BTRC: variants seen among roughly 807,000 people sequenced by gnomAD.
BTRC encodes the protein F-box/WD repeat-containing protein 1A.
BTRC carries 42 observed loss-of-function variants against 85.5 expected under a neutral mutation model. The ratio of observed to expected loss-of-function variants is 0.49; its 90% CI spans 0.38 to 0.64. The LOEUF (loss-of-function observed/expected upper bound fraction) is 0.64. Among genes scored for constraint, BTRC ranks in the 30% least tolerant of loss-of-function variants. BTRC has a pLI of 0.00. For synonymous variants in BTRC, 255 were observed against 263.3 expected (o/e 0.97, Z 0.30); for missense variants, 594 against 743.5 (o/e 0.80, Z 2.34).
chr10:101,544,505 T>G (rs893851391), intron 13 of BTRC, among the ~76,000 whole-genome samples: 1 of 151,752 alleles, frequency 6.6e-6, no homozygotes, highest in Non-Finnish European at 1.5e-5. Context: ...GGACTTCTAG[T>G]CTCAAGCAGT....
chr10:101,373,990 G>A (rs1243231954), intron 1 of BTRC, among the ~76,000 whole-genome samples: 1 of 151,978 alleles, frequency 6.6e-6, no homozygotes, highest in East Asian at 1.9e-4. Context: ...GACTTGGAAG[G>A]TGGAAAGCTG....
intron 3 of BTRC, among the ~76,000 whole-genome samples, chr10:101,473,465 C>CTTTTTTTTTTTT (rs869163139): frequency 3.1e-5 from 3 of 96,772 alleles, no homozygotes; most frequent in African/African-American, 4.4e-5. Context: ...TCTTTTTTCT[C>CTTTTTTTTTTTT]TTTTTTTTTT....
chr10:101,522,409 C>T (rs1306627071), intron 5 of BTRC, among the ~76,000 whole-genome samples: 31 of 29,528 alleles, frequency 1.0e-3, no homozygotes, highest in South Asian at 9.1e-3. Flanking sequence ...ATAAAGACTC[C>T]TTTTTTTTTT....
chr10:101,531,747 A>G (rs988074279), intron 7 of BTRC, among the ~76,000 whole-genome samples: 2 of 152,172 alleles, frequency 1.3e-5, no homozygotes, highest in African/African-American at 2.4e-5. Context: ...AAGAAAATCA[A>G]TCTCTTTACA....
In BTRC at chr10:101,504,261, A is replaced by G. The variant is rs74153243; in HGVS notation, c.325-17378A>G. On this transcript the variant is annotated intron_variant, in intron 4 of 14. Coordinates refer to ENST00000370187, the MANE Select transcript of BTRC (RefSeq NM_033637.4). ...AAACATTAAGTAGTGGTTTTAAAAA[A>G]TAGTTTTTTATCTCCTCTCCCTCTT... 4.4e-3 allele frequency among the ~76,000 whole-genome samples: 675 copies of G among 152,300 alleles called. 9 individuals are homozygous for G. The highest frequency in any genetic ancestry group is 0.015 in the African/African-American group (641 of 41,560).
At chr10:101,389,029 C>A (rs191368577) in intron 1 of BTRC, among the ~76,000 whole-genome samples, 1 of 150,160 alleles carries the variant, frequency 6.7e-6, no homozygotes, top group Non-Finnish European at 1.5e-5. Context: ...GGCTAATAGT[C>A]TCTAACCCAT....
chr10:101,545,391 A>G (rs1564839254), intron 13 of BTRC, among the ~76,000 whole-genome samples: 1 of 152,280 alleles, frequency 6.6e-6, no homozygotes, highest in Non-Finnish European at 1.5e-5. Flanking sequence ...GTAAATGGTT[A>G]GCGAAAGATA....
intron 1 of BTRC, among the ~76,000 whole-genome samples, chr10:101,415,268 C>T (rs1943900203): frequency 6.7e-6 from 1 of 148,302 alleles, no homozygotes; most frequent in Non-Finnish European, 1.5e-5. Context: ...CTCCACATTC[C>T]AGGCTGAAAT....
rs2062298386 is a variant in BTRC at position 101,532,401 on chromosome 10, T to C, written c.947T>C (p.Ile316Thr). 1 of 1,612,382 alleles carries C rather than the reference T, an allele frequency of 6.2e-7. No homozygotes were observed. ...TGTTTACAGTATGATGATCAGAAAA[T>C]AGTAAGCGGCCTTCGAGACAACACA... ...VYCLQYDDQK[I>T]VSGLRDNTIK... Residue 316 changes from isoleucine (I) to threonine (T), a missense_variant, in exon 8 of 15, where the codon ATA (isoleucine) becomes ACA (threonine). Transcript: ENST00000370187.
rs933421536 is a variant in BTRC, at chr10:101,550,779, C to T, written c.1737C>T (p.Ile579=). 10 of 1,613,960 alleles carry T rather than the reference C, an allele frequency of 6.2e-6. No homozygotes were observed. The highest frequency in any genetic ancestry group is 8.5e-6 in the Non-Finnish European group (10 of 1,179,988). ...GTTCACATGATGACACAATCCTCAT[C>T]TGGGACTTCCTAAATGATCCAGCTG... is the stretch of plus-strand genomic sequence containing the variant. The part of the protein sequence containing the change: ...VSSSHDDTIL[I]WDFLNDPAAQ... The change falls in exon 14 of 15, where the codon ATC becomes ATT. Residue 579 remains isoleucine (I), a synonymous_variant. Transcript: ENST00000370187.
At chr10:101,364,395 G>A (rs1410484720) in intron 1 of BTRC, among the ~76,000 whole-genome samples, 1 of 152,122 alleles carries the variant, frequency 6.6e-6, no homozygotes, top group Admixed American at 6.6e-5. Context: ...GGACTGATAA[G>A]CTTGATGTCA....
intron 13 of BTRC, among the ~76,000 whole-genome samples, chr10:101,547,956 C>A (rs1294913755): frequency 1.3e-5 from 2 of 152,264 alleles, no homozygotes; most frequent in East Asian, 3.9e-4. Flanking sequence ...ATCCAACACC[C>A]ATTCATGATA....
At chr10:101,423,878 C>G (rs61874011) in intron 1 of BTRC, among the ~76,000 whole-genome samples, 39,978 of 152,092 alleles carry the variant, frequency 0.26, 6,335 homozygotes, top group South Asian at 0.4. Flanking sequence ...TTCACAGAAG[C>G]CTATTCCTGG....
intron 4 of BTRC, among the ~76,000 whole-genome samples, chr10:101,488,519 T>TA (rs1206487253): frequency 2.6e-5 from 4 of 152,292 alleles, no homozygotes; most frequent in East Asian, 1.9e-4. Context: ...TCAAATGGTA[T>TA]TAGGCTATAG....
intron 2 of BTRC, among the ~76,000 whole-genome samples, chr10:101,438,689 T>G (rs549438519): frequency 1.8e-4 from 27 of 152,150 alleles, no homozygotes; most frequent in Non-Finnish European, 3.2e-4. Flanking sequence ...TTGTTACTGG[T>G]AATAAACTAC....
At chr10:101,404,030 A>ATATATTTT (rs1232082481) in intron 1 of BTRC, among the ~76,000 whole-genome samples, 40 of 25,424 alleles carry the variant, frequency 1.6e-3, no homozygotes, top group African/African-American at 5.4e-3. Flanking sequence ...ATATATATAT[A>ATATATTTT]TTTTTTTTTT....
chr10:101,457,383 A>G (rs1418015259), intron 2 of BTRC, among the ~76,000 whole-genome samples: 1 of 152,226 alleles, frequency 6.6e-6, no homozygotes, highest in Non-Finnish European at 1.5e-5. Context: ...TCAATGACTC[A>G]TGGTCAAGTA....
chr10:101,462,453 G>A (rs1402909309), intron 3 of BTRC, among the ~76,000 whole-genome samples: 2 of 152,106 alleles, frequency 1.3e-5, no homozygotes, highest in African/African-American at 4.8e-5. Context: ...GCTGAGGCAG[G>A]CGAATACCTG....
chr10:101,451,074 A>G (rs1395388894), intron 2 of BTRC, among the ~76,000 whole-genome samples: 1 of 152,230 alleles, frequency 6.6e-6, no homozygotes, highest in Non-Finnish European at 1.5e-5. Flanking sequence ...GCAAGCAAGA[A>G]TTTAAAGGGA....
Sources: gnomAD v4.1 joint callset for allele counts (sites outside exome capture counted in the v4.1 genomes callset) on GRCh38, gnomAD v4.1.1 for gene constraint, MANE v1.5 for transcripts, NCBI Gene and HGNC (gene_info 2026-07-23, HGNC 2026-07-21) for gene names.